The following NKAIN3 variants were observed in gnomAD, a reference collection of about 807,000 sequenced individuals.
NKAIN3 encodes the protein sodium/potassium-transporting ATPase subunit beta-1-interacting protein 3.
A neutral mutation model predicts 30.2 loss-of-function variants in NKAIN3; 25 were observed. The observed-to-expected ratio is 0.83, with a 90% CI of 0.60 to 1.16. The LOEUF (loss-of-function observed/expected upper bound fraction) is 1.16. Ranked by LOEUF, NKAIN3 falls within the 50% of genes most tolerant of loss-of-function variation. The pLI, the probability that NKAIN3 is intolerant of heterozygous loss-of-function variation, is 0.00. For synonymous variants in NKAIN3, 91 were observed against 89.6 expected (o/e 1.02, Z -0.09); for missense variants, 225 against 254.1 (o/e 0.89, Z 0.78).
intron 1 of NKAIN3, among the ~76,000 whole-genome samples, chr8:62,315,682 T>G (rs1585668802): frequency 6.6e-6 from 1 of 152,038 alleles, no homozygotes; most frequent in Non-Finnish European, 1.5e-5. Flanking sequence ...AAAAAATGAG[T>G]TGTTTTACCT....
At chr8:62,581,691 C>T (rs1313751849) in intron 2 of NKAIN3, among the ~76,000 whole-genome samples, 1 of 152,122 alleles carries the variant, frequency 6.6e-6, no homozygotes, top group Non-Finnish European at 1.5e-5. Flanking sequence ...AAACTCATAT[C>T]TAACCATTCT....
At chr8:62,647,250 A>G (rs1812489358) in intron 3 of NKAIN3, among the ~76,000 whole-genome samples, 2 of 152,216 alleles carry the variant, frequency 1.3e-5, no homozygotes, top group South Asian at 4.1e-4. Context: ...ATAAATGCAT[A>G]GAGCAGTTGT....
chr8:62,765,506 T>C (rs910187489), intron 4 of NKAIN3, among the ~76,000 whole-genome samples: 8 of 152,200 alleles, frequency 5.3e-5, no homozygotes, highest in African/African-American at 1.9e-4. Context: ...CTTGAGCAGA[T>C]GTGGTAAATT....
intron 4 of NKAIN3, among the ~76,000 whole-genome samples, chr8:62,825,615 C>A (rs1328518628): frequency 2.0e-5 from 3 of 152,132 alleles, no homozygotes; most frequent in Admixed American, 2.0e-4. Context: ...GTCCCTAAAC[C>A]TGACTGACAA....
intron 3 of NKAIN3, among the ~76,000 whole-genome samples, chr8:62,682,304 G>C (rs1265591489): frequency 6.6e-6 from 1 of 152,112 alleles, no homozygotes; most frequent in African/African-American, 2.4e-5. Flanking sequence ...TACAGGAGTA[G>C]AGGAAGCAGC....
intron 3 of NKAIN3, among the ~76,000 whole-genome samples, chr8:62,594,472 G>C (rs896668421): frequency 6.6e-6 from 1 of 151,914 alleles, no homozygotes; most frequent in Non-Finnish European, 1.5e-5. Context: ...CTCCTTTATA[G>C]ATCAAATCAA....
intron 1 of NKAIN3, among the ~76,000 whole-genome samples, chr8:62,426,956 G>A (rs964629971): frequency 1.3e-5 from 2 of 151,970 alleles, no homozygotes; most frequent in African/African-American, 4.8e-5. Flanking sequence ...TCCTTGGTAA[G>A]CACCTGTAGA....
intron 4 of NKAIN3, among the ~76,000 whole-genome samples, chr8:62,857,574 G>T (rs1820101180): frequency 6.6e-6 from 1 of 151,882 alleles, no homozygotes; most frequent in South Asian, 2.1e-4. Context: ...ATTCTTTTCT[G>T]CCAGTCTTAT....
intron 3 of NKAIN3, among the ~76,000 whole-genome samples, chr8:62,690,140 A>T (rs1244175094): frequency 6.6e-6 from 1 of 152,106 alleles, no homozygotes; most frequent in Non-Finnish European, 1.5e-5. Context: ...CACTAATCAC[A>T]GGGTGTTTCC....
intron 1 of NKAIN3, among the ~76,000 whole-genome samples, chr8:62,256,262 T>A (rs544793918): frequency 9.6e-4 from 145 of 151,116 alleles, no homozygotes; most frequent in African/African-American, 2.7e-3. Flanking sequence ...AAAAAAAATT[T>A]AAAAAAAAAT....
chr8:62,556,941 A>AT (rs916884152), intron 1 of NKAIN3, among the ~76,000 whole-genome samples: 15 of 151,806 alleles, frequency 9.9e-5, no homozygotes, highest in East Asian at 5.8e-4. Flanking sequence ...ATACTTTTAA[A>AT]TTTTTTTTTA....
chr8:62,594,108 T>A (rs1055289098), intron 3 of NKAIN3, among the ~76,000 whole-genome samples: 3 of 151,958 alleles, frequency 2.0e-5, no homozygotes, highest in African/African-American at 7.2e-5. Context: ...TTTTCTTTAT[T>A]TCCCTGCTTG....
chr8:62,849,282 A>G (rs1253752780), intron 4 of NKAIN3, among the ~76,000 whole-genome samples: 7 of 137,562 alleles, frequency 5.1e-5, no homozygotes, highest in Non-Finnish European at 1.1e-4. Flanking sequence ...ATGTGAATTC[A>G]TCTGGTCCTG....
intron 1 of NKAIN3, among the ~76,000 whole-genome samples, chr8:62,454,440 T>A (rs1009689948): frequency 6.6e-6 from 1 of 152,114 alleles, no homozygotes; most frequent in Non-Finnish European, 1.5e-5. Context: ...AAGCTTGTAT[T>A]ATACTGTCTT....
intron 5 of NKAIN3, among the ~76,000 whole-genome samples, chr8:62,946,210 C>G (rs1274644152): frequency 6.6e-6 from 1 of 152,166 alleles, no homozygotes; most frequent in South Asian, 2.1e-4. Context: ...TTCGGGATCA[C>G]AAAGTTATTT....
intron 1 of NKAIN3, among the ~76,000 whole-genome samples, chr8:62,294,760 G>T (rs889677428): frequency 2.0e-5 from 3 of 152,022 alleles, no homozygotes; most frequent in Admixed American, 2.0e-4. Flanking sequence ...TCCCAGGCTG[G>T]TCTCCAACTG....
intron 4 of NKAIN3, among the ~76,000 whole-genome samples, chr8:62,828,703 G>A (rs1819103317): frequency 6.6e-6 from 1 of 152,080 alleles, no homozygotes; most frequent in Non-Finnish European, 1.5e-5. Flanking sequence ...ATGTCTATTT[G>A]GGGAGCCAGA....
chr8:62,432,788 T>C (rs1326095842), intron 1 of NKAIN3, among the ~76,000 whole-genome samples: 1 of 152,152 alleles, frequency 6.6e-6, no homozygotes. Context: ...GACTGTTTTT[T>C]CCCTTGGTAT....
intron 4 of NKAIN3, among the ~76,000 whole-genome samples, chr8:62,803,311 AT>A (rs943506194): frequency 3.3e-5 from 5 of 152,018 alleles, no homozygotes; most frequent in Non-Finnish European, 7.4e-5. Context: ...CAGAATATAC[AT>A]TTTTTTCAGC....
Sources: allele counts gnomAD v4.1 joint callset (sites outside exome capture counted in the v4.1 genomes callset), GRCh38; gene constraint gnomAD v4.1.1; transcripts MANE v1.5; gene names NCBI Gene and HGNC (gene_info 2026-07-23, HGNC 2026-07-21).